Variants in EPHA6 observed in about 807,000 individuals in gnomAD.
The protein encoded by EPHA6 is ephrin type-A receptor 6.
A neutral mutation model predicts 112.0 loss-of-function variants in EPHA6; 50 were observed. That is an observed-to-expected ratio of 0.45 (90% CI 0.36 to 0.56). EPHA6 has a LOEUF of 0.56. EPHA6 is among the 20% of genes least tolerant of loss of function. EPHA6 has a pLI of 0.00. For synonymous variants in EPHA6, 529 were observed against 490.7 expected (o/e 1.08, Z -1.03); for missense variants, 1,280 against 1,417.4 (o/e 0.90, Z 1.56).
intron 3 of EPHA6, among the ~76,000 whole-genome samples, chr3:97,104,279 A>C (rs1242300186): frequency 6.6e-6 from 1 of 152,034 alleles, no homozygotes; most frequent in Non-Finnish European, 1.5e-5. Flanking sequence ...GTTGGCTGCA[A>C]GTTTGTCATA....
chr3:97,629,225 GC>G (rs1209372733), intron 13 of EPHA6, among the ~76,000 whole-genome samples: 4 of 151,876 alleles, frequency 2.6e-5, no homozygotes, highest in Non-Finnish European at 4.4e-5. Context: ...ACCATGCCTG[GC>G]CAACTGTTTT....
intron 5 of EPHA6, among the ~76,000 whole-genome samples, chr3:97,312,262 C>T (rs980571734): frequency 1.5e-4 from 23 of 151,384 alleles, no homozygotes; most frequent in Admixed American, 9.3e-4. Context: ...TAATTTTATG[C>T]CTTATTATTT....
At chr3:97,548,725 G>A (rs768059682) in intron 11 of EPHA6, among the ~76,000 whole-genome samples, 19 of 152,226 alleles carry the variant, frequency 1.2e-4, no homozygotes, top group South Asian at 8.3e-4. Flanking sequence ...TCCTTTGTAC[G>A]CAAGCACCCT....
rs72926318 is a variant in EPHA6, at chr3:97,317,816, A to C, written c.1606+73529A>C. On this transcript the variant is annotated intron_variant, in intron 5 of 17. Transcript: ENST00000389672. ...GCATGGTGCTGGGCATTCCCAGTGC[A>C]CAAGGAGACAGGTACAGGGCAACAT... Among the ~76,000 whole-genome samples the C allele has an allele frequency of 8.7e-3, 1,322 of 152,078 alleles. 22 individuals carry two copies. The highest frequency in any genetic ancestry group is 0.029 in the African/African-American group (1,191 of 41,434).
At chr3:97,540,554 A>G (rs2107672828) in intron 11 of EPHA6, among the ~76,000 whole-genome samples, 1 of 152,328 alleles carries the variant, frequency 6.6e-6, no homozygotes, top group South Asian at 2.1e-4. Context: ...TCATTCATTC[A>G]AATCACCTCC....
chr3:97,592,488 T>C (rs922185133), intron 11 of EPHA6, 124 bp from the exon 12 acceptor site: 3 of 1,180,484 alleles, frequency 2.5e-6, no homozygotes, highest in Non-Finnish European at 3.6e-6. Flanking sequence ...TTCCATCCCT[T>C]TAATTTTATA....
At chr3:97,353,210 C>T (rs1016717685) in intron 5 of EPHA6, among the ~76,000 whole-genome samples, 2 of 151,744 alleles carry the variant, frequency 1.3e-5, no homozygotes, top group Non-Finnish European at 2.9e-5. Context: ...TGTGACCCAG[C>T]GCATTCCCAG....
At chr3:96,872,863 C>A (rs1247370892) in intron 2 of EPHA6, among the ~76,000 whole-genome samples, 1 of 151,916 alleles carries the variant, frequency 6.6e-6, no homozygotes, top group Non-Finnish European at 1.5e-5. Flanking sequence ...GCCTAGTGTT[C>A]TTTGAGCTTC....
At chr3:96,967,861 AT>A (rs2042180960) in intron 2 of EPHA6, among the ~76,000 whole-genome samples, 1 of 151,904 alleles carries the variant, frequency 6.6e-6, no homozygotes, top group Non-Finnish European at 1.5e-5. Flanking sequence ...TGCAGCTAAC[AT>A]GTAGACGGCA....
chr3:97,385,807 G>A (rs148026555), intron 5 of EPHA6, among the ~76,000 whole-genome samples: 107 of 152,246 alleles, frequency 7.0e-4, no homozygotes, highest in Non-Finnish European at 1.4e-3. Flanking sequence ...AGGAGAGAAA[G>A]AGCAAAGGGG....
intron 7 of EPHA6, among the ~76,000 whole-genome samples, chr3:97,472,116 A>G (rs2091247238): frequency 6.6e-6 from 1 of 151,688 alleles, no homozygotes; most frequent in African/African-American, 2.4e-5. Flanking sequence ...AGGATAATCA[A>G]GTTTCTTAAT....
intron 10 of EPHA6, among the ~76,000 whole-genome samples, chr3:97,514,595 G>A (rs2092417540): frequency 6.6e-6 from 1 of 152,052 alleles, no homozygotes; most frequent in Non-Finnish European, 1.5e-5. Flanking sequence ...GAGATTCTCT[G>A]GACTGAATTG....
At chr3:97,154,802 A>C (rs1444944857) in intron 3 of EPHA6, among the ~76,000 whole-genome samples, 1 of 152,138 alleles carries the variant, frequency 6.6e-6, no homozygotes, top group Non-Finnish European at 1.5e-5. Flanking sequence ...TGCCCTCTAG[A>C]CTGTCTGTTC....
chr3:97,199,878 G>T (rs556254137), intron 3 of EPHA6, among the ~76,000 whole-genome samples: 2 of 152,220 alleles, frequency 1.3e-5, no homozygotes, highest in East Asian at 1.9e-4. Context: ...TGCTGGGGGG[G>T]TGACAATGAG....
At position 97,076,461 on chromosome 3, in the gene EPHA6, A is replaced by T. The variant is rs538267413; in HGVS notation, c.1114+88468A>T. Reference sequence around the variant, plus strand: ...GTGACAGAAGAAAAGTTGGAAGCTGACAGAGATTGGTTCATGAGGTTTAAG... The same window carrying T: ...GTGACAGAAGAAAAGTTGGAAGCTGTCAGAGATTGGTTCATGAGGTTTAAG... On this transcript the variant is annotated intron_variant, in intron 3 of 17. Coordinates refer to ENST00000389672, the MANE Select transcript of EPHA6 (RefSeq NM_001080448.3). Among the ~76,000 whole-genome samples the T allele has an allele frequency of 2.6e-5, 4 of 152,266 alleles. No individual in the cohort carries two copies. The South Asian group carries it at 6.2e-4, about 24-fold the overall frequency.
intron 5 of EPHA6, among the ~76,000 whole-genome samples, chr3:97,392,826 CT>C (rs964298351): frequency 3.3e-5 from 5 of 150,544 alleles, no homozygotes; most frequent in East Asian, 1.9e-4. Flanking sequence ...TCAATTAGCT[CT>C]TTTTTTTTCT....
chr3:97,356,268 G>C (rs1248539373), intron 5 of EPHA6, among the ~76,000 whole-genome samples: 1 of 152,176 alleles, frequency 6.6e-6, no homozygotes, highest in Admixed American at 6.5e-5. Flanking sequence ...AGGAAAACAA[G>C]TTCAGGGCTC....
chr3:97,479,256 T>C, intron 8 of EPHA6, 38 bp from the exon 9 acceptor site: 1 of 1,422,950 alleles, frequency 7.0e-7, no homozygotes. Flanking sequence ...TGCATCATAC[T>C]TCTTAAAACA....
chr3:96,868,567 A>T (rs1328501654), intron 2 of EPHA6, among the ~76,000 whole-genome samples: 1 of 152,064 alleles, frequency 6.6e-6, no homozygotes, highest in Non-Finnish European at 1.5e-5. Flanking sequence ...TCAGGTACTC[A>T]GTTTCACTGA....
Sources: allele counts gnomAD v4.1 joint callset (sites outside exome capture counted in the v4.1 genomes callset), GRCh38; gene constraint gnomAD v4.1.1; transcripts MANE v1.5; gene names NCBI Gene and HGNC (gene_info 2026-07-23, HGNC 2026-07-21).